Variants in SUPT3H observed in about 807,000 individuals in gnomAD.
The protein encoded by SUPT3H is transcription initiation protein SPT3 homolog.
SUPT3H carries 44 observed loss-of-function variants against 44.3 expected under a neutral mutation model. That is an observed-to-expected ratio of 0.99 (90% CI 0.78 to 1.28). The LOEUF (loss-of-function observed/expected upper bound fraction) is 1.28, where lower values mean the gene tolerates loss of function less well. Among genes scored for constraint, SUPT3H ranks in the 50% most tolerant of loss-of-function variants. The probability of loss-of-function intolerance (pLI) is 0.00; values close to 1 mark genes in which losing one functional copy is unlikely to be tolerated. For synonymous variants in SUPT3H, 124 were observed against 125.6 expected, an observed-to-expected ratio of 0.99 and a Z score of 0.09; for missense variants, 380 against 387.1, an observed-to-expected ratio of 0.98 and a Z score of 0.15.
At chr6:45,173,682 T>A (rs1481766672) in intron 2 of SUPT3H, among the ~76,000 whole-genome samples, 1 of 152,216 alleles carries the variant, frequency 6.6e-6, no homozygotes, top group African/African-American at 2.4e-5. Context: ...AGACTTGGAA[T>A]CTTGGTGTTG....
intron 10 of SUPT3H, among the ~76,000 whole-genome samples, chr6:44,862,979 A>C (rs1021352015): frequency 6.6e-6 from 1 of 152,228 alleles, no homozygotes; most frequent in Non-Finnish European, 1.5e-5. Context: ...AGGAGTCTCC[A>C]CAAGGTTTGC....
chr6:45,101,109 CAT>C (rs1798508042), intron 3 of SUPT3H, among the ~76,000 whole-genome samples: 1 of 152,180 alleles, frequency 6.6e-6, no homozygotes, highest in Admixed American at 6.5e-5. Context: ...ATAAATATCA[CAT>C]GTTCTCACTG....
intron 2 of SUPT3H, among the ~76,000 whole-genome samples, chr6:45,174,741 T>C (rs111758591): frequency 1.0e-3 from 156 of 152,076 alleles, no homozygotes; most frequent in Middle Eastern, 3.4e-3. Context: ...AACTAAATTA[T>C]ATTCTCCAAA....
At chr6:45,086,145 T>C (rs1349175898) in intron 3 of SUPT3H, among the ~76,000 whole-genome samples, 1 of 152,052 alleles carries the variant, frequency 6.6e-6, no homozygotes, top group Non-Finnish European at 1.5e-5. Flanking sequence ...ATTTTCATCC[T>C]ATTAGTAATA....
chr6:44,945,860 T>C (rs375087566), intron 9 of SUPT3H, among the ~76,000 whole-genome samples: 7 of 152,314 alleles, frequency 4.6e-5, no homozygotes, highest in East Asian at 1.9e-4. Context: ...CAGATTTTCA[T>C]TGTAGATGAA....
At chr6:44,920,873 TCCTCTG>T (rs1768597950) in intron 10 of SUPT3H, among the ~76,000 whole-genome samples, 2 of 152,210 alleles carry the variant, frequency 1.3e-5, no homozygotes, top group Non-Finnish European at 2.9e-5. Flanking sequence ...TTATTCCTGC[TCCTCTG>T]TGTGCTTGTA....
intron 6 of SUPT3H, among the ~76,000 whole-genome samples, chr6:44,989,364 C>G (rs1362534516): frequency 6.6e-6 from 1 of 152,098 alleles, no homozygotes; most frequent in African/African-American, 2.4e-5. Context: ...GTGTGTATAT[C>G]TATTTCACAA....
chr6:45,146,444 C>T (rs563871006), intron 2 of SUPT3H, among the ~76,000 whole-genome samples: 10 of 152,026 alleles, frequency 6.6e-5, no homozygotes, highest in African/African-American at 2.2e-4. Flanking sequence ...GGGATGGAGG[C>T]GGGTAAGGGA....
At chr6:44,869,780 C>A (rs974228777) in intron 10 of SUPT3H, among the ~76,000 whole-genome samples, 1 of 152,216 alleles carries the variant, frequency 6.6e-6, no homozygotes, top group Admixed American at 6.5e-5. Flanking sequence ...TACCTTCTGA[C>A]TGCTAAGAAT....
intron 2 of SUPT3H, among the ~76,000 whole-genome samples, chr6:45,363,290 G>C (rs1263071241): frequency 6.6e-6 from 1 of 152,042 alleles, no homozygotes; most frequent in African/African-American, 2.4e-5. Context: ...TTCTGCTATA[G>C]GACATCTGTT....
intron 3 of SUPT3H, among the ~76,000 whole-genome samples, chr6:45,058,499 G>C (rs1791481680): frequency 6.6e-6 from 1 of 152,134 alleles, no homozygotes; most frequent in African/African-American, 2.4e-5. Context: ...TTAGTACAGT[G>C]TCTGGCATAA....
At chr6:45,071,222 A>G (rs1183466790) in intron 3 of SUPT3H, among the ~76,000 whole-genome samples, 1 of 151,942 alleles carries the variant, frequency 6.6e-6, no homozygotes, top group Non-Finnish European at 1.5e-5. Flanking sequence ...GACACCTGGG[A>G]AACCTAAATT....
chr6:45,011,088 C>A (rs1783417994), intron 5 of SUPT3H, among the ~76,000 whole-genome samples: 2 of 152,020 alleles, frequency 1.3e-5, no homozygotes, highest in South Asian at 4.1e-4. Context: ...GGTTTATAAT[C>A]CTTTCTATAC....
intron 2 of SUPT3H, among the ~76,000 whole-genome samples, chr6:45,249,346 T>TCTTCTTATTTCTAACTTAAGAAGGAA (rs1174949615): frequency 6.6e-6 from 1 of 152,106 alleles, no homozygotes; most frequent in African/African-American, 2.4e-5. Flanking sequence ...AAGGAAATAG[T>TCTTCTTATTTCTAACTTAAGAAGGAA]ATATCTAGTC....
chr6:45,231,462 C>T (rs1281601401), intron 2 of SUPT3H, among the ~76,000 whole-genome samples: 3 of 152,172 alleles, frequency 2.0e-5, no homozygotes, highest in Non-Finnish European at 4.4e-5. Flanking sequence ...GAAAGCTGCT[C>T]TTAGTCTGAT....
chr6:44,935,823 C>A (rs1437394110), intron 9 of SUPT3H, among the ~76,000 whole-genome samples: 5 of 152,166 alleles, frequency 3.3e-5, no homozygotes, highest in Non-Finnish European at 5.9e-5. Context: ...AACTGTGATG[C>A]AGAAAGTTAT....
intron 2 of SUPT3H, among the ~76,000 whole-genome samples, chr6:45,244,601 A>G (rs1462705803): frequency 6.6e-6 from 1 of 152,060 alleles, no homozygotes; most frequent in Non-Finnish European, 1.5e-5. Flanking sequence ...CTTCTACACT[A>G]ATTTTACCCA....
intron 2 of SUPT3H, among the ~76,000 whole-genome samples, chr6:45,315,452 A>G (rs927740841): frequency 1.3e-5 from 2 of 152,174 alleles, no homozygotes; most frequent in African/African-American, 4.8e-5. Flanking sequence ...CAATACCATC[A>G]AAAAGTGGGC....
chr6:44,832,577 C>G (rs1361564854), intron 10 of SUPT3H, among the ~76,000 whole-genome samples: 1 of 152,140 alleles, frequency 6.6e-6, no homozygotes, highest in East Asian at 1.9e-4. Flanking sequence ...ATCAGTTGCT[C>G]CTTTGTGAAT....
Sources: gnomAD v4.1 joint callset for allele counts (sites outside exome capture counted in the v4.1 genomes callset) on GRCh38, gnomAD v4.1.1 for gene constraint, MANE v1.5 for transcripts, NCBI Gene and HGNC (gene_info 2026-07-23, HGNC 2026-07-21) for gene names.